The following PHTF2 variants were observed in gnomAD, a reference collection of about 807,000 sequenced individuals.
The protein encoded by PHTF2 is putative homeodomain transcription factor 2.
Under a neutral mutation model 101.2 loss-of-function variants are expected in PHTF2, and 60 were observed. The ratio of observed to expected loss-of-function variants is 0.59; its 90% confidence interval spans 0.48 to 0.73. The LOEUF (loss-of-function observed/expected upper bound fraction) is 0.73, where lower values mean the gene tolerates loss of function less well. PHTF2 is among the 30% of genes least tolerant of loss of function. The pLI is 0.00. For synonymous variants in PHTF2, 311 were observed against 307.3 expected, an observed-to-expected ratio of 1.01 and a Z score of -0.13; for missense variants, 747 against 908.7, an observed-to-expected ratio of 0.82 and a Z score of 2.29.
chr7:77,843,193 G>T (rs753352440), intron 2 of PHTF2, among the ~76,000 whole-genome samples: 1 of 152,044 alleles, frequency 6.6e-6, no homozygotes, highest in Admixed American at 6.6e-5. Flanking sequence ...CCAAATTTTG[G>T]TAAAATCAGT....
intron 16 of PHTF2, among the ~76,000 whole-genome samples, chr7:77,947,487 C>T (rs948174389): frequency 1.3e-5 from 2 of 151,574 alleles, no homozygotes; most frequent in African/African-American, 4.8e-5. Context: ...CACTTGAACT[C>T]GGGAGGCAGA....
intron 3 of PHTF2, 60 bp from the exon 3 acceptor site, chr7:77,893,548 G>C (rs1183589324): frequency 1.4e-6 from 1 of 710,814 alleles, no homozygotes; most frequent in Admixed American, 2.4e-5. Flanking sequence ...TTCAAGCAGA[G>C]TTATACCTAT....
chr7:77,875,544 A>T (rs945614529), intron 3 of PHTF2, among the ~76,000 whole-genome samples: 21 of 150,508 alleles, frequency 1.4e-4, no homozygotes, highest in Non-Finnish European at 3.0e-4. Flanking sequence ...TTATTTATTT[A>T]TTTATTTATT....
At chr7:77,850,820 G>GT (rs1384058287) in intron 2 of PHTF2, among the ~76,000 whole-genome samples, 1 of 151,960 alleles carries the variant, frequency 6.6e-6, no homozygotes, top group Non-Finnish European at 1.5e-5. Flanking sequence ...CTTTTATTGT[G>GT]TTGAGGTATG....
At chr7:77,920,191 T>G in intron 9 of PHTF2, 88 bp from the exon 9 acceptor site, 3 of 653,512 alleles carry the variant, frequency 4.6e-6, no homozygotes, top group Non-Finnish European at 7.7e-6. Context: ...AGCTATCTGA[T>G]GTAATTATTA....
chr7:77,801,303 A>G (rs537952269), intron 1 of PHTF2, among the ~76,000 whole-genome samples: 36 of 152,338 alleles, frequency 2.4e-4, no homozygotes, highest in Non-Finnish European at 2.9e-4. Context: ...GGTTACAGTC[A>G]AGCTGGGTGC....
chr7:77,926,785 A>G (rs1804042406), intron 11 of PHTF2, among the ~76,000 whole-genome samples: 1 of 151,830 alleles, frequency 6.6e-6, no homozygotes, highest in Non-Finnish European at 1.5e-5. Flanking sequence ...CCTGTGCAAC[A>G]TGGCGAAACT....
intron 7 of PHTF2, among the ~76,000 whole-genome samples, chr7:77,902,525 C>T (rs1237188030): frequency 6.6e-6 from 1 of 152,180 alleles, no homozygotes; most frequent in African/African-American, 2.4e-5. Flanking sequence ...CCCAGAACCA[C>T]ACACTTAACC....
intron 15 of PHTF2, among the ~76,000 whole-genome samples, chr7:77,942,106 G>A (rs1443473030): frequency 1.3e-5 from 2 of 152,014 alleles, no homozygotes; most frequent in African/African-American, 2.4e-5. Context: ...GAACACTGCT[G>A]TGTGCCATCA....
chr7:77,812,624 C>G (rs1462091651), intron 1 of PHTF2, among the ~76,000 whole-genome samples: 2 of 150,646 alleles, frequency 1.3e-5, no homozygotes, highest in African/African-American at 4.9e-5. Flanking sequence ...GAGCCTCGCT[C>G]TGTCACCCAG....
intron 5 of PHTF2, among the ~76,000 whole-genome samples, chr7:77,897,016 T>C (rs559035850): frequency 1.7e-3 from 260 of 152,270 alleles, no homozygotes; most frequent in African/African-American, 5.9e-3. Flanking sequence ...AAATTATAAC[T>C]AAAAACTTTG....
At chr7:77,853,363 T>C (rs1490574631) in intron 2 of PHTF2, among the ~76,000 whole-genome samples, 1 of 152,054 alleles carries the variant, frequency 6.6e-6, no homozygotes, top group Non-Finnish European at 1.5e-5. Context: ...TTTGATGTTT[T>C]CTTCAGTATG....
chr7:77,922,427 A>G (rs745515243), intron 10 of PHTF2, among the ~76,000 whole-genome samples, 196 bp from the exon 10 acceptor site: 4 of 152,210 alleles, frequency 2.6e-5, no homozygotes, highest in African/African-American at 7.2e-5. Flanking sequence ...AAAAGTAAAA[A>G]TGCCTTAAAA....
rs202084010 is a variant in PHTF2, at chr7:77,937,475, GCTAA to G, written c.1339-230_1339-227del. 4.7e-3 allele frequency among the ~76,000 whole-genome samples: 722 copies of G among 152,182 alleles called. 20 individuals are homozygous for G. The highest frequency in any genetic ancestry group is 0.037 in the Admixed American group (563 of 15,284). On this transcript the variant is annotated intron_variant, in intron 12 of 19. Coordinates refer to ENST00000416283, the Ensembl canonical transcript of PHTF2. ...CTTATGATATCTGTTCAGTGTATAT[GCTAA>G]CTAATTTTAAGATAGAATTTTAGTG...
chr7:77,928,537 G>T (rs142217792), intron 11 of PHTF2, among the ~76,000 whole-genome samples: 1 of 151,332 alleles, frequency 6.6e-6, no homozygotes, highest in Non-Finnish European at 1.5e-5. Context: ...GGGTATCCAC[G>T]TGAGATTGGT....
intron 9 of PHTF2, among the ~76,000 whole-genome samples, chr7:77,914,718 T>C (rs1300287872): frequency 6.6e-6 from 1 of 152,012 alleles, no homozygotes; most frequent in Non-Finnish European, 1.5e-5. Flanking sequence ...ATTCTCAAAA[T>C]GGGAAATGAA....
At chr7:77,868,872 A>C (rs1458322883) in intron 3 of PHTF2, among the ~76,000 whole-genome samples, 1 of 152,236 alleles carries the variant, frequency 6.6e-6, no homozygotes, top group Admixed American at 6.5e-5. Flanking sequence ...TTTTTGAGAA[A>C]GTTCTAGCAC....
chr7:77,943,140 G>C (rs1163173753), intron 16 of PHTF2, among the ~76,000 whole-genome samples: 2 of 150,712 alleles, frequency 1.3e-5, no homozygotes, highest in Non-Finnish European at 1.5e-5. Context: ...TCTTTTTTTT[G>C]AGATGGAGTC....
rs1403799155 is a variant in PHTF2 at position 77,890,466 on chromosome 7, A to G, written c.148-3142A>G. ...AGAAATAAAAATAGTTACTTTGTAG[A>G]CAAGTTAGGCACCCTTTTGTGTATG... On this transcript the variant is annotated intron_variant, in intron 3 of 19. Coordinates refer to ENST00000416283, the Ensembl canonical transcript of PHTF2. Among the ~76,000 whole-genome samples the G allele has an allele frequency of 2.6e-5, 4 of 152,220 alleles. No individual in the cohort carries two copies. The East Asian group carries it at 7.7e-4, about 29-fold the overall frequency.
Sources: gnomAD v4.1 joint callset for allele counts (sites outside exome capture counted in the v4.1 genomes callset) on GRCh38, gnomAD v4.1.1 for gene constraint, MANE v1.5 for transcripts, NCBI Gene and HGNC (gene_info 2026-07-23, HGNC 2026-07-21) for gene names.